The following DDR2 variants were observed in gnomAD, a reference collection of about 807,000 sequenced individuals.
The protein encoded by DDR2 is discoidin domain receptor tyrosine kinase 2.
A neutral mutation model predicts 94.9 loss-of-function variants in DDR2; 27 were observed. That is an observed-to-expected ratio of 0.28 (90% CI 0.21 to 0.39). The LOEUF (loss-of-function observed/expected upper bound fraction) is 0.39, where lower values mean the gene tolerates loss of function less well. Ranked by LOEUF, DDR2 falls within the 10% of genes least tolerant of loss-of-function variation. The pLI is 1.00. For synonymous variants in DDR2, 382 were observed against 377.2 expected, an observed-to-expected ratio of 1.01 and a Z score of -0.15; for missense variants, 783 against 1,076.0, an observed-to-expected ratio of 0.73 and a Z score of 3.81.
chr1:162,763,057 G>T (rs934941463), intron 9 of DDR2, among the ~76,000 whole-genome samples: 9 of 151,914 alleles, frequency 5.9e-5, no homozygotes, highest in Middle Eastern at 3.2e-3. Flanking sequence ...GGCTGGTCTC[G>T]AACTCCTGAC....
chr1:162,755,093 G>C, intron 5 of DDR2, 63 bp from the exon 6 acceptor site: 1 of 1,607,760 alleles, frequency 6.2e-7, no homozygotes, highest in Non-Finnish European at 8.5e-7. Flanking sequence ...AAACGTGGTG[G>C]GGTGAAGAAA....
chr1:162,653,817 G>A (rs995852094), intron 1 of DDR2, among the ~76,000 whole-genome samples: 2 of 152,150 alleles, frequency 1.3e-5, no homozygotes, highest in Admixed American at 1.3e-4. Context: ...AACTTTGTAA[G>A]ACTTCAGCTG....
chr1:162,662,460 C>T (rs1431803284), intron 2 of DDR2, among the ~76,000 whole-genome samples: 2 of 152,156 alleles, frequency 1.3e-5, no homozygotes, highest in Admixed American at 6.6e-5. Context: ...ACTTCTACAC[C>T]GTCTGTTCTC....
rs556814154 is a variant in DDR2 at position 162,748,770 on chromosome 1, G to A, written c.83-4325G>A. ...ATAGTTGGAAGTAAAGCACTCCTCA[G>A]CAAATGTAAAAGAACAGAAACTATA... On this transcript the variant is annotated intron_variant, in intron 3 of 17. Transcript: ENST00000367921. 2.2e-3 allele frequency among the ~76,000 whole-genome samples: 337 copies of A among 152,318 alleles called. 2 individuals carry two copies. The highest frequency in any genetic ancestry group is 3.9e-3 in the Non-Finnish European group (266 of 68,032).
chr1:162,671,037 A>C (rs1235747526), intron 2 of DDR2, among the ~76,000 whole-genome samples: 1 of 152,116 alleles, frequency 6.6e-6, no homozygotes, highest in Non-Finnish European at 1.5e-5. Flanking sequence ...TGGTCTGTGA[A>C]GGGAAAAGTG....
rs1237044295 is a variant in DDR2, at chr1:162,656,845, TTTTTATTTTTTTTG to T, written c.-28+1474_-28+1487del. On this transcript the variant is annotated intron_variant, in intron 2 of 17. Coordinates refer to ENST00000367921, the MANE Select transcript of DDR2 (RefSeq NM_006182.4). Reference sequence around the variant, plus strand: ...CCCTGCCACTGGAGTTTTTTTTTTTTTTTTATTTTTTTTGTTAACAGGGTTTTGCTCTGTCACCC... The same window carrying T: ...CCCTGCCACTGGAGTTTTTTTTTTTTTTAACAGGGTTTTGCTCTGTCACCC... 1.2e-4 allele frequency among the ~76,000 whole-genome samples: 15 copies of T among 122,474 alleles called. 3 individuals carry two copies. In the East Asian group the frequency reaches 1.9e-3, roughly 15 times the overall value. 80.3% of individuals were successfully genotyped at this position (122,474 alleles called of 152,430 possible).
intron 1 of DDR2, among the ~76,000 whole-genome samples, chr1:162,639,771 G>A (rs998296891): frequency 6.6e-6 from 1 of 152,170 alleles, no homozygotes; most frequent in African/African-American, 2.4e-5. Context: ...TCAACTTTAC[G>A]ACAGTGCAAA....
At chr1:162,730,938 C>T (rs550796813) in intron 3 of DDR2, among the ~76,000 whole-genome samples, 9 of 152,300 alleles carry the variant, frequency 5.9e-5, no homozygotes, top group Middle Eastern at 6.8e-3. Flanking sequence ...GTGCCAAACC[C>T]GGAGTCGGCC....
rs2102198038 is a variant in DDR2, at chr1:162,776,135, G to T, written c.2049-1G>T. 6.2e-7 allele frequency: 1 copy of T among 1,612,096 alleles called. No homozygotes were observed. Among genetic ancestry groups the T allele is most frequent in the Non-Finnish European group, 8.5e-7 (1 of 1,178,604 alleles). On this transcript the variant is annotated splice_acceptor_variant, in intron 15 of 17. Coordinates refer to ENST00000367921, the MANE Select transcript of DDR2 (RefSeq NM_006182.4). LOFTEE classifies it high-confidence loss of function. ...TTCTGTCTTCTTGTCTATTTCCTCAGTTACACCAATCTGAAGTTTATGGCT... is the reference window on the plus strand; with the variant it reads ...TTCTGTCTTCTTGTCTATTTCCTCATTTACACCAATCTGAAGTTTATGGCT...
chr1:162,661,816 CAG>C (rs1455176772), intron 2 of DDR2, among the ~76,000 whole-genome samples: 1 of 152,148 alleles, frequency 6.6e-6, no homozygotes, highest in African/African-American at 2.4e-5. Flanking sequence ...TTTCCTCATC[CAG>C]AGTTATCTGG....
At chr1:162,692,101 C>G (rs866435023) in intron 2 of DDR2, among the ~76,000 whole-genome samples, 9 of 152,212 alleles carry the variant, frequency 5.9e-5, no homozygotes, top group African/African-American at 1.9e-4. Context: ...CCCACATTTA[C>G]TGACACAAAC....
intron 2 of DDR2, among the ~76,000 whole-genome samples, chr1:162,673,608 T>TGAGAGAGA (rs10684469): frequency 2.2e-3 from 253 of 117,236 alleles, no homozygotes; most frequent in Admixed American, 4.5e-3. Context: ...TGTGTGTGTG[T>TGAGAGAGA]GAGAGAGAGA....
chr1:162,643,835 A>G (rs1358693457), intron 1 of DDR2, among the ~76,000 whole-genome samples: 1 of 152,168 alleles, frequency 6.6e-6, no homozygotes, highest in African/African-American at 2.4e-5. Flanking sequence ...GGAATTTCAT[A>G]TTTTTAGAAC....
chr1:162,756,979 G>A (rs1276730435), intron 7 of DDR2, among the ~76,000 whole-genome samples: 2 of 152,134 alleles, frequency 1.3e-5, no homozygotes, highest in African/African-American at 4.8e-5. Context: ...AAAGGTAATG[G>A]AGTCATTGAT....
At chr1:162,652,708 A>G (rs929561037) in intron 1 of DDR2, among the ~76,000 whole-genome samples, 2 of 152,228 alleles carry the variant, frequency 1.3e-5, no homozygotes, top group Admixed American at 6.5e-5. Context: ...ACTTTATCAC[A>G]TAAGTATCAT....
intron 2 of DDR2, among the ~76,000 whole-genome samples, chr1:162,714,023 C>T (rs199514847): frequency 1.3e-5 from 2 of 152,142 alleles, no homozygotes; most frequent in East Asian, 3.9e-4. Flanking sequence ...TGGCATTCAA[C>T]TACTGCTTTA....
chr1:162,638,388 A>G (rs1656947105), intron 1 of DDR2, among the ~76,000 whole-genome samples: 1 of 152,176 alleles, frequency 6.6e-6, no homozygotes, highest in Admixed American at 6.5e-5. Context: ...CATCATAATT[A>G]TGGCTATCGT....
chr1:162,663,667 T>C (rs998047258), intron 2 of DDR2, among the ~76,000 whole-genome samples: 22 of 151,990 alleles, frequency 1.4e-4, no homozygotes, highest in African/African-American at 5.3e-4. Flanking sequence ...GGCAGAACCA[T>C]GCCAAGCAGA....
chr1:162,744,879 G>T (rs754819201), intron 3 of DDR2, among the ~76,000 whole-genome samples: 14 of 152,196 alleles, frequency 9.2e-5, no homozygotes, highest in Non-Finnish European at 2.1e-4. Flanking sequence ...AAGTGGGACT[G>T]CTGGAGCATA....
Sources: gnomAD v4.1 joint callset for allele counts (sites outside exome capture counted in the v4.1 genomes callset) on GRCh38, gnomAD v4.1.1 for gene constraint, MANE v1.5 for transcripts, NCBI Gene and HGNC (gene_info 2026-07-23, HGNC 2026-07-21) for gene names.